Variants in ZNF582 observed in about 807,000 individuals in gnomAD.
ZNF582 encodes zinc finger protein 582.
In ZNF582, 14 loss-of-function variants were observed where a neutral mutation model predicts 12.3. That is an observed-to-expected ratio of 1.14 (90% CI 0.75 to 1.78). The LOEUF is 1.78. Ranked by LOEUF, ZNF582 falls within the 40% of genes most tolerant of loss-of-function variation. ZNF582 has a pLI of 0.00. For missense variants in ZNF582, 567 were observed against 616.5 expected, an observed-to-expected ratio of 0.92 and a Z score of 0.85; for synonymous variants, 210 against 207.2, an observed-to-expected ratio of 1.01 and a Z score of -0.11.
chr19:56,385,303 T>C, intron 4 of ZNF582, 119 bp from the exon 5 acceptor site: 1 of 1,029,184 alleles, frequency 9.7e-7, no homozygotes, highest in Middle Eastern at 2.7e-4. Flanking sequence ...AGCTAAGCAA[T>C]TATAAAATGG....
At chr19:56,383,973 T>C in exon 5 of ZNF582, 1 of 1,613,928 alleles carries the variant, frequency 6.2e-7, no homozygotes, top group African/African-American at 1.3e-5. Context: ...TCTACATTTA[T>C]TATATTCACA....
chr19:56,390,134 T>A (rs1274835783), intron 3 of ZNF582, 38 bp from the exon 4 acceptor site: 2 of 1,597,800 alleles, frequency 1.3e-6, no homozygotes, highest in East Asian at 4.5e-5. Context: ...GGTTATGGTG[T>A]GGGGGCCCCA....
At chr19:56,385,364 T>C (rs1376423047) in intron 4 of ZNF582, among the ~76,000 whole-genome samples, 180 bp from the exon 5 acceptor site, 2 of 151,878 alleles carry the variant, frequency 1.3e-5, no homozygotes, top group African/African-American at 4.8e-5. Flanking sequence ...AGGGAGGCAA[T>C]AAGAGAGGTT....
intron 4 of ZNF582, among the ~76,000 whole-genome samples, chr19:56,389,130 G>C (rs2041994979): frequency 6.6e-6 from 1 of 152,160 alleles, no homozygotes; most frequent in Admixed American, 6.5e-5. Flanking sequence ...GACTGAACCT[G>C]TTCTTTTTCT....
chr19:56,384,657 G>C lies in ZNF582; in HGVS notation c.760C>G (p.Pro254Ala), dbSNP rs2041949157. 1.9e-6 allele frequency: 3 copies of C among 1,614,028 alleles called. No homozygotes were observed. In the East Asian group the frequency reaches 6.7e-5, roughly 36 times the overall value. Reference sequence around the variant, plus strand: ...TTCTCACAATCTTTACATTCATACGGTTTCTCACCAGTATGAACTCTCTGA... The same window carrying C: ...TTCTCACAATCTTTACATTCATACGCTTTCTCACCAGTATGAACTCTCTGA... Residue 254 changes from proline (P) to alanine (A), a missense_variant, in exon 5 of 5, where the codon CCG (proline) becomes GCG (alanine). Physicochemically the swap from Pro to Ala is conservative, Grantham distance 27 (BLOSUM62 -1). Coordinates refer to ENST00000586929, the Ensembl canonical transcript of ZNF582.
chr19:56,393,376 C>G, exon 1 of ZNF582: 6 of 789,370 alleles, frequency 7.6e-6, no homozygotes, highest in South Asian at 7.0e-5. Flanking sequence ...GGCCTGAGAC[C>G]CAACCGGCCC....
intron 3 of ZNF582, 62 bp downstream of exon 3, chr19:56,390,313 A>AACTGAC: frequency 5.0e-6 from 8 of 1,609,158 alleles, no homozygotes; most frequent in Non-Finnish European, 6.8e-6. Flanking sequence ...AGCACCCAAA[A>AACTGAC]ACTGACCAGG....
chr19:56,385,669 T>G (rs890882736), intron 4 of ZNF582, among the ~76,000 whole-genome samples: 5 of 148,066 alleles, frequency 3.4e-5, no homozygotes, highest in Non-Finnish European at 6.0e-5. Context: ...AGAGGGAGAC[T>G]TTAAAAAAAA....
At chr19:56,393,510 C>A (rs769956075) in exon 1 of ZNF582, 3 of 501,200 alleles carry the variant, frequency 6.0e-6, no homozygotes, top group East Asian at 5.8e-5. Context: ...GCTTCCACCA[C>A]GGTACCGGTG....
chr19:56,384,511 ATAATG>A lies in ZNF582; in HGVS notation c.901_905del (p.His301Ter). 1 of 1,613,044 alleles carries A rather than the reference ATAATG, an allele frequency of 6.2e-7. No homozygotes were observed. The highest frequency in any genetic ancestry group is 1.1e-5 in the South Asian group (1 of 90,898). On this transcript the variant is annotated frameshift_variant, in exon 5 of 5. Coordinates refer to ENST00000586929, the Ensembl canonical transcript of ZNF582. LOFTEE classifies it low-confidence loss of function (END_TRUNC). Reference sequence around the variant, plus strand: ...AGGGTTTTTCACCAGTATGAATTCTATAATGTACTTTAAGATGTGAGATCCGATTG... The same window carrying A: ...AGGGTTTTTCACCAGTATGAATTCTATACTTTAAGATGTGAGATCCGATTG...
rs552824300 is a variant in ZNF582 at position 56,387,383 on chromosome 19, CTG to C, written c.233-2201_233-2200del. 1.1e-4 allele frequency: 17 copies of C among 152,292 alleles called. No individual in the cohort carries two copies. In the East Asian group the frequency reaches 3.1e-3, roughly 28 times the overall value. 9.4% of individuals were successfully genotyped at this position (152,292 alleles called of 1,614,324 possible). ...TTTTACTGCTCTCACCAGTGAAAAA[CTG>C]TACCTTCTTAAATTCTGTCAGCATG... On this transcript the variant is annotated intron_variant, in intron 4 of 4. Coordinates refer to ENST00000586929, the Ensembl canonical transcript of ZNF582.
In ZNF582 at chr19:56,383,819, A is replaced by G. The variant is rs201852676; in HGVS notation, c.*44T>C. 7.0e-5 allele frequency: 106 copies of G among 1,507,324 alleles called. 3 individuals are homozygous for G. The East Asian group carries it at 2.4e-3, about 34-fold the overall frequency. 93.4% of individuals were successfully genotyped at this position (1,507,324 alleles called of 1,614,324 possible). Reference sequence around the variant, plus strand: ...ATTGTCACTGGCATTACATTCTTCAAGTCTTTCTCCAAGAGGGAGAAGTAA... The same window carrying G: ...ATTGTCACTGGCATTACATTCTTCAGGTCTTTCTCCAAGAGGGAGAAGTAA... On this transcript the variant is annotated 3_prime_UTR_variant, in exon 5 of 5. Coordinates refer to ENST00000586929, the Ensembl canonical transcript of ZNF582.
intron 2 of ZNF582, among the ~76,000 whole-genome samples, chr19:56,391,438 A>G (rs2042012850): frequency 6.6e-6 from 1 of 152,182 alleles, no homozygotes; most frequent in African/African-American, 2.4e-5. Flanking sequence ...GCTTTTCTAT[A>G]TGTGATTGCT....
rs1600331287 is a variant in ZNF582, at chr19:56,390,365, A to G, written c.136+10T>C. 1 of 1,614,112 alleles carries G rather than the reference A, an allele frequency of 6.2e-7. No individual in the cohort carries two copies. Among genetic ancestry groups the G allele is most frequent in the East Asian group, 2.2e-5 (1 of 44,862 alleles). On this transcript the variant is annotated intron_variant, in intron 3 of 4. Transcript: ENST00000586929. Reference sequence around the variant, plus strand: ...GATAACCTCCAAACTAACAGACGAGATCACCTTACCCAGTGAGACCAGGTT... The same window carrying G: ...GATAACCTCCAAACTAACAGACGAGGTCACCTTACCCAGTGAGACCAGGTT...
chr19:56,388,975 A>T (rs1291351331), intron 4 of ZNF582, among the ~76,000 whole-genome samples: 83 of 152,090 alleles, frequency 5.5e-4, no homozygotes, highest in Non-Finnish European at 2.9e-5. Flanking sequence ...AGGGCCATCC[A>T]TTATCTCAGA....
At chr19:56,392,089 G>C (rs1164882946) in intron 1 of ZNF582, among the ~76,000 whole-genome samples, 1 of 152,214 alleles carries the variant, frequency 6.6e-6, no homozygotes, top group Non-Finnish European at 1.5e-5. Flanking sequence ...CTAAGACAGG[G>C]ATGCTGAGGG....
chr19:56,383,882 C>G, exon 5 of ZNF582: 2 of 1,582,136 alleles, frequency 1.3e-6, no homozygotes, highest in South Asian at 2.4e-5. Flanking sequence ...TGGGCTTTCC[C>G]CATTACTTCC....
At chr19:56,383,742 C>T in exon 5 of ZNF582, 1 of 1,207,734 alleles carries the variant, frequency 8.3e-7, no homozygotes, top group Non-Finnish European at 1.1e-6. Flanking sequence ...ATAAAATTTT[C>T]TTTGATATGA....
rs893333381 is a variant in ZNF582 at position 56,391,923 on chromosome 19, C to T, written c.-80-91G>A. On this transcript the variant is annotated intron_variant, in intron 1 of 4. Transcript: ENST00000586929. ...CAAGTCCCCACCTGCTTGCCCTCTG[C>T]CCACCAAGAAAATGAGAAGGAGGGG... The T allele has an allele frequency of 8.3e-6, 9 of 1,087,496 alleles. No homozygotes were observed. The East Asian group carries it at 1.0e-4, about 12-fold the overall frequency. The allele number at this position is 1,087,496 out of a possible 1,614,324, so 67.4% of individuals were successfully genotyped here. A position where few individuals can be genotyped will look rare whatever the true frequency, so the allele number is the denominator to read the frequency against.
Sources: gnomAD v4.1 joint callset for allele counts (sites outside exome capture counted in the v4.1 genomes callset) on GRCh38, gnomAD v4.1.1 for gene constraint, MANE v1.5 for transcripts, NCBI Gene and HGNC (gene_info 2026-07-23, HGNC 2026-07-21) for gene names.